The following KATNBL1 variants were observed in gnomAD, a reference collection of about 807,000 sequenced individuals.
The protein encoded by KATNBL1 is KATNB1-like protein 1.
Under a neutral mutation model 44.7 loss-of-function variants are expected in KATNBL1, and 28 were observed. The ratio of observed to expected loss-of-function variants is 0.63; its 90% CI spans 0.46 to 0.86. The LOEUF (loss-of-function observed/expected upper bound fraction) is 0.86, where lower values mean the gene tolerates loss of function less well. Among genes scored for constraint, KATNBL1 ranks in the 40% least tolerant of loss-of-function variants. The pLI is 0.00. For synonymous variants in KATNBL1, 78 were observed against 114.9 expected, an observed-to-expected ratio of 0.68 and a Z score of 2.06; for missense variants, 272 against 350.7, an observed-to-expected ratio of 0.78 and a Z score of 1.79.
At chr15:34,198,003 G>A (rs899076831) in intron 1 of KATNBL1, among the ~76,000 whole-genome samples, 1 of 152,008 alleles carries the variant, frequency 6.6e-6, no homozygotes, top group African/African-American at 2.4e-5. Context: ...TCGCTGCCTC[G>A]GCCTCCCACA....
At chr15:34,169,182 T>C (rs1273144104) in intron 1 of KATNBL1, among the ~76,000 whole-genome samples, 1 of 152,226 alleles carries the variant, frequency 6.6e-6, no homozygotes, top group African/African-American at 2.4e-5. Context: ...GCAAAATTGA[T>C]AGACTGCTAG....
intron 1 of KATNBL1, among the ~76,000 whole-genome samples, chr15:34,173,901 A>T (rs1889247523): frequency 6.6e-6 from 1 of 152,158 alleles, no homozygotes; most frequent in African/African-American, 2.4e-5. Context: ...AAAGAAAATT[A>T]AGAGAATTTG....
intron 1 of KATNBL1, among the ~76,000 whole-genome samples, chr15:34,195,483 C>T (rs1183993952): frequency 2.0e-5 from 3 of 151,984 alleles, no homozygotes; most frequent in East Asian, 1.9e-4. Context: ...GGGTAAAATG[C>T]GTGTTGCTCT....
intron 1 of KATNBL1, among the ~76,000 whole-genome samples, chr15:34,199,203 C>T (rs1485955082): frequency 1.3e-5 from 2 of 152,174 alleles, no homozygotes; most frequent in African/African-American, 4.8e-5. Flanking sequence ...CTTTGGGAGG[C>T]TGACGTGGGC....
intron 1 of KATNBL1, among the ~76,000 whole-genome samples, chr15:34,186,674 C>G (rs1054253995): frequency 1.3e-5 from 2 of 152,216 alleles, no homozygotes; most frequent in African/African-American, 4.8e-5. Flanking sequence ...AAGGATCCCC[C>G]TCCCCACTGT....
At chr15:34,205,385 A>T (rs1890268222) in intron 1 of KATNBL1, among the ~76,000 whole-genome samples, 1 of 152,186 alleles carries the variant, frequency 6.6e-6, no homozygotes, top group Non-Finnish European at 1.5e-5. Flanking sequence ...TACAACAGTA[A>T]ATGTCCTGTT....
intron 1 of KATNBL1, among the ~76,000 whole-genome samples, chr15:34,166,628 G>C (rs1258464813): frequency 1.3e-5 from 2 of 152,244 alleles, no homozygotes; most frequent in Non-Finnish European, 2.9e-5. Flanking sequence ...TGGACAGACT[G>C]CCTCCTCAAG....
chr15:34,157,302 T>C lies in KATNBL1; in HGVS notation c.118-2618A>G, dbSNP rs573146628. 6.6e-5 allele frequency among the ~76,000 whole-genome samples: 10 copies of C among 152,230 alleles called. No individual in the cohort carries two copies. In the East Asian group the frequency reaches 1.4e-3, roughly 21 times the overall value. Reference sequence around the variant, plus strand: ...TAGCTGCCCATGATTCTGGAGGAGGTGGTGCTCTTTTGACCTGGGTGTGAT... The same window carrying C: ...TAGCTGCCCATGATTCTGGAGGAGGCGGTGCTCTTTTGACCTGGGTGTGAT... On this transcript the variant is annotated intron_variant, in intron 2 of 9. Coordinates refer to ENST00000256544, the MANE Select transcript of KATNBL1 (RefSeq NM_024713.3).
chr15:34,172,760 GACACACACACACAC>G (rs34182114), intron 1 of KATNBL1, among the ~76,000 whole-genome samples: 35 of 146,546 alleles, frequency 2.4e-4, no homozygotes, highest in African/African-American at 6.8e-4. Flanking sequence ...CACAGACACA[GACACACACACACAC>G]ACACACACAC....
chr15:34,208,212 T>C (rs1027388030), intron 1 of KATNBL1, among the ~76,000 whole-genome samples: 1 of 152,192 alleles, frequency 6.6e-6, no homozygotes, highest in African/African-American at 2.4e-5. Flanking sequence ...CAGTGAACAC[T>C]GTATCCAATG....
intron 9 of KATNBL1, 54 bp from the exon 10 acceptor site, chr15:34,142,425 A>T (rs1338079114): frequency 6.6e-7 from 1 of 1,523,862 alleles, no homozygotes; most frequent in Non-Finnish European, 8.8e-7. Flanking sequence ...ATACAAACAT[A>T]AACAATCCAT....
At chr15:34,143,108 A>T (rs1349481376) in intron 9 of KATNBL1, 2 of 825,242 alleles carry the variant, frequency 2.4e-6, no homozygotes, top group African/African-American at 3.6e-5. Flanking sequence ...TGAACTTTTA[A>T]TCACTCAATA....
chr15:34,185,362 T>C (rs1889689722), intron 1 of KATNBL1, among the ~76,000 whole-genome samples: 1 of 152,220 alleles, frequency 6.6e-6, no homozygotes, highest in South Asian at 2.1e-4. Flanking sequence ...GACTTAACAA[T>C]CTACAAATAA....
At position 34,176,605 on chromosome 15, in the gene KATNBL1, A is replaced by G. The variant is rs1003525040; in HGVS notation, c.-14-12915T>C. Among the ~76,000 whole-genome samples the G allele has an allele frequency of 6.6e-5, 10 of 152,190 alleles. 1 individual carries two copies. The highest frequency in any genetic ancestry group is 2.4e-4 in the African/African-American group (10 of 41,440). On this transcript the variant is annotated intron_variant, in intron 1 of 9. Coordinates refer to ENST00000256544, the MANE Select transcript of KATNBL1 (RefSeq NM_024713.3). ...AAGGTTTCTTTTTGGGATGATGGAAATGTTCTATAATTATACTGGGGTTGA... is the reference window on the plus strand; with the variant it reads ...AAGGTTTCTTTTTGGGATGATGGAAGTGTTCTATAATTATACTGGGGTTGA...
At chr15:34,144,532 A>G (rs1336176398) in intron 9 of KATNBL1, among the ~76,000 whole-genome samples, 1 of 150,902 alleles carries the variant, frequency 6.6e-6, no homozygotes, top group Non-Finnish European at 1.5e-5. Context: ...TCTTAATGAC[A>G]ATTTTTTCTT....
chr15:34,189,405 T>C (rs887313939), intron 1 of KATNBL1, among the ~76,000 whole-genome samples: 3 of 152,240 alleles, frequency 2.0e-5, no homozygotes, highest in African/African-American at 7.2e-5. Context: ...TAATGCCTCC[T>C]TGTATAAATC....
chr15:34,188,805 G>C (rs958043493), intron 1 of KATNBL1, among the ~76,000 whole-genome samples: 5 of 152,264 alleles, frequency 3.3e-5, no homozygotes, highest in Non-Finnish European at 5.9e-5. Context: ...GCATTCAAGA[G>C]TCCTTTTCAT....
intron 2 of KATNBL1, among the ~76,000 whole-genome samples, chr15:34,161,603 G>A (rs929600180): frequency 2.6e-5 from 4 of 152,170 alleles, no homozygotes; most frequent in African/African-American, 4.8e-5. Flanking sequence ...TATCCCTAAC[G>A]CAGCTAGTCC....
chr15:34,173,181 A>G (rs1889224410), intron 1 of KATNBL1, among the ~76,000 whole-genome samples: 1 of 151,994 alleles, frequency 6.6e-6, no homozygotes, highest in Non-Finnish European at 1.5e-5. Context: ...GAAAGAGTAC[A>G]AGACAGTAAA....
Sources: gnomAD v4.1 joint callset for allele counts (sites outside exome capture counted in the v4.1 genomes callset) on GRCh38, gnomAD v4.1.1 for gene constraint, MANE v1.5 for transcripts, NCBI Gene and HGNC (gene_info 2026-07-23, HGNC 2026-07-21) for gene names.